The following GPM6B variants were observed in gnomAD, a reference collection of about 807,000 sequenced individuals.
GPM6B encodes the protein neuronal membrane glycoprotein M6-b.
Under a neutral mutation model 27.2 loss-of-function variants are expected in GPM6B, and 4 were observed. The ratio of observed to expected loss-of-function variants is 0.15; its 90% CI spans 0.07 to 0.34. The LOEUF is 0.34. Ranked by LOEUF, GPM6B falls within the 10% of genes least tolerant of loss-of-function variation. The probability of loss-of-function intolerance (pLI) is 1.00; values close to 1 mark genes in which losing one functional copy is unlikely to be tolerated. For synonymous variants in GPM6B, 124 were observed against 103.1 expected (o/e 1.20, Z -1.23); for missense variants, 183 against 261.9 (o/e 0.70, Z 2.08).
chrX:13,806,656 A>AT (rs772905873), intron 2 of GPM6B, among the ~76,000 whole-genome samples: 2 of 112,473 alleles, frequency 1.8e-5, no homozygotes, highest in Non-Finnish European at 1.9e-5. Context: ...TTAATCATGG[A>AT]TTTTATGACT....
intron 1 of GPM6B, among the ~76,000 whole-genome samples, chrX:13,936,030 TG>T (rs1921821209): frequency 8.9e-6 from 1 of 111,755 alleles, no homozygotes; most frequent in African/African-American, 3.3e-5. Context: ...TGCCAGGGGC[TG>T]GGGGGAGAAG....
intron 1 of GPM6B, among the ~76,000 whole-genome samples, chrX:13,814,825 A>G (rs2049204164): frequency 8.9e-6 from 1 of 111,907 alleles, no homozygotes; most frequent in African/African-American, 3.2e-5. Context: ...ATCAGGAAAA[A>G]CAAATCCCCT....
chrX:13,807,566 T>A, intron 2 of GPM6B, 84 bp downstream of exon 2: 1 of 784,649 alleles, frequency 1.3e-6, no homozygotes, highest in Non-Finnish European at 1.8e-6. Context: ...ACATAAAATA[T>A]CACCAAGCTG....
chrX:13,863,693 T>C (rs927611333), intron 1 of GPM6B, among the ~76,000 whole-genome samples: 1 of 112,267 alleles, frequency 8.9e-6, no homozygotes, highest in Non-Finnish European at 1.9e-5. Flanking sequence ...ATTTTAACCA[T>C]GATCTCCTAA....
At position 13,869,332 on chromosome X, in the gene GPM6B, T is replaced by C. The variant is rs772021748; in HGVS notation, c.-198+68995A>G. Among the ~76,000 whole-genome samples, 116 of 108,099 alleles carry C rather than the reference T, an allele frequency of 1.1e-3. No individual in the cohort carries two copies. In the South Asian group the frequency reaches 0.011, roughly 10 times the overall value. The allele number at this position is 108,099 out of a possible 115,157, so 93.9% of individuals were successfully genotyped here. ...TGGCAGCAGCTGGTGGGGTGGGATATTGAGTGACAGCAAATGGATATAGGT... is the reference window on the plus strand; with the variant it reads ...TGGCAGCAGCTGGTGGGGTGGGATACTGAGTGACAGCAAATGGATATAGGT... On this transcript the variant is annotated intron_variant, in intron 1 of 6. Transcript: ENST00000398361.
chrX:13,918,261 C>T (rs2050446723), intron 1 of GPM6B, among the ~76,000 whole-genome samples: 2 of 113,036 alleles, frequency 1.8e-5, no homozygotes, highest in South Asian at 7.2e-4. Context: ...ACGTGCACAA[C>T]GACAGTTGGG....
intron 1 of GPM6B, among the ~76,000 whole-genome samples, chrX:13,856,882 TAG>T (rs1258772159): frequency 1.2e-4 from 13 of 110,578 alleles, no homozygotes; most frequent in Admixed American, 9.7e-4. Flanking sequence ...GTATATTTTG[TAG>T]AGACAGGGAT....
intron 1 of GPM6B, among the ~76,000 whole-genome samples, chrX:13,936,011 G>T (rs773725947): frequency 8.9e-6 from 1 of 112,206 alleles, no homozygotes; most frequent in Admixed American, 9.4e-5. Context: ...CAGAAAGTAG[G>T]TTAGTGCTTG....
chrX:13,906,929 G>A (rs960058886), intron 1 of GPM6B, among the ~76,000 whole-genome samples: 14 of 112,026 alleles, frequency 1.2e-4, no homozygotes, highest in African/African-American at 4.2e-4. Flanking sequence ...GTCATCTCCA[G>A]ATTGATTCAG....
intron 1 of GPM6B, among the ~76,000 whole-genome samples, chrX:13,853,716 G>A: frequency 9.2e-6 from 1 of 109,159 alleles, no homozygotes; most frequent in East Asian, 2.9e-4. Flanking sequence ...CCCTACCAAT[G>A]AAGTCACAAT....
intron 1 of GPM6B, among the ~76,000 whole-genome samples, chrX:13,867,769 G>A (rs1289301466): frequency 8.9e-6 from 1 of 111,843 alleles, no homozygotes; most frequent in Non-Finnish European, 1.9e-5. Flanking sequence ...CTACACTTGG[G>A]TCTCAGCAAC....
chrX:13,772,182 C>T lies in GPM6B; in HGVS notation c.*699G>A, dbSNP rs1364696774. ...GATCAGTATTTTGTTAAAATGAAATCTGTTATAAAATTGCTTCTGGAAAGC... is the reference window on the plus strand; with the variant it reads ...GATCAGTATTTTGTTAAAATGAAATTTGTTATAAAATTGCTTCTGGAAAGC... On this transcript the variant is annotated 3_prime_UTR_variant, in exon 8 of 8. Transcript: ENST00000316715. 1 of 112,218 alleles carries T rather than the reference C, an allele frequency of 8.9e-6. No homozygotes were observed. The highest frequency in any genetic ancestry group is 1.9e-5 in the Non-Finnish European group (1 of 53,119). 9.2% of individuals were successfully genotyped at this position (112,218 alleles called of 1,213,427 possible). A position where few individuals can be genotyped will look rare whatever the true frequency, so the allele number is the denominator to read the frequency against.
At chrX:13,917,692 T>C (rs2050442233) in intron 1 of GPM6B, among the ~76,000 whole-genome samples, 1 of 112,570 alleles carries the variant, frequency 8.9e-6, no homozygotes, top group Admixed American at 9.4e-5. Flanking sequence ...CCTGTGATGC[T>C]GTTACCAGGC....
chrX:13,930,444 C>T (rs1005585435), intron 1 of GPM6B, among the ~76,000 whole-genome samples: 6 of 111,094 alleles, frequency 5.4e-5, no homozygotes, highest in African/African-American at 1.6e-4. Context: ...GAAACCCCGT[C>T]TCTACTAAAA....
chrX:13,804,412 G>A (rs1017967031), intron 2 of GPM6B, among the ~76,000 whole-genome samples: 1 of 67,849 alleles, frequency 1.5e-5, no homozygotes, highest in East Asian at 5.9e-4. Context: ...CAGCATCATG[G>A]ACGGCGGGGG....
At chrX:13,856,692 A>ATTT (rs113873908) in intron 1 of GPM6B, among the ~76,000 whole-genome samples, 1 of 93,240 alleles carries the variant, frequency 1.1e-5, no homozygotes, top group African/African-American at 3.7e-5. Context: ...CTGCACCTTT[A>ATTT]TTTTTTTTTT....
intron 1 of GPM6B, among the ~76,000 whole-genome samples, chrX:13,933,031 C>T (rs12008771): frequency 0.04 from 2,876 of 71,436 alleles, 105 homozygotes; most frequent in African/African-American, 0.17. Context: ...CAATAATTTA[C>T]GTAATTTACC....
intron 1 of GPM6B, among the ~76,000 whole-genome samples, chrX:13,879,146 G>A (rs2050069938): frequency 8.9e-6 from 1 of 112,114 alleles, no homozygotes. Flanking sequence ...GAACATCCTT[G>A]GCTTTGACAA....
Position 13,809,893 on chromosome X carries a change from C to T in GPM6B, c.62-2124G>A, listed in dbSNP as rs186991873. Among the ~76,000 whole-genome samples the T allele has an allele frequency of 4.5e-3, 429 of 94,522 alleles. 14 individuals are homozygous for T. The highest frequency in any genetic ancestry group is 0.045 in the Admixed American group (363 of 8,047). 82.1% of individuals were successfully genotyped at this position (94,522 alleles called of 115,157 possible). Reference sequence around the variant, plus strand: ...TGGAGGTTGCAGTGAGTTGAGATCGCGCCACTGCATTCCAGCCTGGGCAAA... The same window carrying T: ...TGGAGGTTGCAGTGAGTTGAGATCGTGCCACTGCATTCCAGCCTGGGCAAA... On this transcript the variant is annotated intron_variant, in intron 1 of 7. Coordinates refer to ENST00000316715, the MANE Select transcript of GPM6B (RefSeq NM_001001995.3).
Sources: allele counts gnomAD v4.1 joint callset (sites outside exome capture counted in the v4.1 genomes callset), GRCh38; gene constraint gnomAD v4.1.1; transcripts MANE v1.5; gene names NCBI Gene and HGNC (gene_info 2026-07-23, HGNC 2026-07-21).